SMG6: variants seen among roughly 807,000 people sequenced by gnomAD.
SMG6 encodes the protein SMG6 nonsense mediated mRNA decay factor.
SMG6 carries 66 observed loss-of-function variants against 142.2 expected under a neutral mutation model. That is an observed-to-expected ratio of 0.46 (90% CI 0.38 to 0.57). The LOEUF is 0.57. Among genes scored for constraint, SMG6 ranks in the 20% least tolerant of loss-of-function variants. The pLI is 0.00. For missense variants in SMG6, 1,793 were observed against 1,832.0 expected (o/e 0.98, Z 0.39); for synonymous variants, 779 against 702.4 (o/e 1.11, Z -1.72).
rs575714201 is a variant in SMG6 at position 2,277,382 on chromosome 17, G to C, written c.2661+5265C>G. 2.0e-5 allele frequency among the ~76,000 whole-genome samples: 3 copies of C among 151,768 alleles called. No homozygotes were observed. The South Asian group carries it at 6.2e-4, about 32-fold the overall frequency. On this transcript the variant is annotated intron_variant, in intron 8 of 18. Coordinates refer to ENST00000263073, the MANE Select transcript of SMG6 (RefSeq NM_017575.5). Reference sequence around the variant, plus strand: ...GAGGTTTCACCGTGTTAGCCAGGATGGTCTCGATCTCCTGACCTCGTGATC... The same window carrying C: ...GAGGTTTCACCGTGTTAGCCAGGATCGTCTCGATCTCCTGACCTCGTGATC...
At chr17:2,301,561 G>A (rs1360220980) in intron 1 of SMG6, among the ~76,000 whole-genome samples, 9 of 149,172 alleles carry the variant, frequency 6.0e-5, no homozygotes, top group Non-Finnish European at 1.0e-4. Context: ...AACCACTCTC[G>A]GCCGGGCGCG....
chr17:2,134,131 T>C (rs2070212529), intron 13 of SMG6, among the ~76,000 whole-genome samples: 1 of 152,030 alleles, frequency 6.6e-6, no homozygotes, highest in Non-Finnish European at 1.5e-5. Context: ...GATAAATCAG[T>C]CTAAGTCTTA....
intron 8 of SMG6, among the ~76,000 whole-genome samples, chr17:2,273,311 T>A (rs868840498): frequency 6.6e-6 from 1 of 151,840 alleles, no homozygotes; most frequent in Non-Finnish European, 1.5e-5. Context: ...AGGTCAGGAG[T>A]TCACGACCTG....
intron 13 of SMG6, among the ~76,000 whole-genome samples, chr17:2,136,452 T>C (rs2070306440): frequency 6.6e-6 from 1 of 152,210 alleles, no homozygotes; most frequent in Non-Finnish European, 1.5e-5. Flanking sequence ...ATCTCATCTA[T>C]CTCATTGATT....
chr17:2,105,080 C>T (rs1432267430), intron 13 of SMG6, among the ~76,000 whole-genome samples: 4 of 134,720 alleles, frequency 3.0e-5, no homozygotes, highest in African/African-American at 1.2e-4. Context: ...CCACACCCAG[C>T]TAATTTTTTT....
intron 10 of SMG6, among the ~76,000 whole-genome samples, chr17:2,190,528 T>C (rs190884065): frequency 6.6e-6 from 1 of 152,336 alleles, no homozygotes; most frequent in East Asian, 1.9e-4. Flanking sequence ...CAAGCTAGAC[T>C]GTCTCTCAGA....
intron 10 of SMG6, among the ~76,000 whole-genome samples, chr17:2,226,698 C>A (rs998336621): frequency 6.6e-6 from 1 of 152,078 alleles, no homozygotes; most frequent in African/African-American, 2.4e-5. Flanking sequence ...AGTTTGAGAC[C>A]AGCCTTGCCA....
At chr17:2,094,926 CA>C (rs1476714273) in intron 13 of SMG6, 3 of 152,190 alleles carry the variant, frequency 2.0e-5, no homozygotes, top group African/African-American at 7.2e-5. Flanking sequence ...CCGGCTGTAC[CA>C]GAAAGGTACA....
intron 13 of SMG6, among the ~76,000 whole-genome samples, chr17:2,144,672 G>A (rs1401164140): frequency 3.9e-5 from 6 of 152,054 alleles, no homozygotes; most frequent in African/African-American, 7.2e-5. Flanking sequence ...TTGCTTCTGC[G>A]GGTTACCCTG....
intron 13 of SMG6, among the ~76,000 whole-genome samples, chr17:2,117,022 C>T (rs1296253311): frequency 6.6e-6 from 1 of 151,128 alleles, no homozygotes; most frequent in African/African-American, 2.4e-5. Context: ...ATGAGAACAA[C>T]AACAAAAAAA....
intron 13 of SMG6, among the ~76,000 whole-genome samples, chr17:2,145,263 G>A (rs2070628000): frequency 6.6e-6 from 1 of 151,286 alleles, no homozygotes; most frequent in African/African-American, 2.4e-5. Context: ...ACAGGCGTGT[G>A]CCACCACACC....
At chr17:2,157,355 A>C (rs1438049180) in intron 13 of SMG6, among the ~76,000 whole-genome samples, 2 of 152,230 alleles carry the variant, frequency 1.3e-5, no homozygotes, top group Non-Finnish European at 2.9e-5. Context: ...TTTTCCATTA[A>C]AAGTTCCCTG....
chr17:2,061,465 C>CT lies in SMG6; in HGVS notation c.*26_*27insA, dbSNP rs1555528763. 18 of 1,358,776 alleles carry CT rather than the reference C, an allele frequency of 1.3e-5. No homozygotes were observed. Among genetic ancestry groups the CT allele is most frequent in the Admixed American group, 2.2e-5 (1 of 45,156 alleles). 84.2% of individuals were successfully genotyped at this position (1,358,776 alleles called of 1,614,324 possible). ...TGGTGGCCTTTCAGGAACGGTTCCA[C>CT]GGGGGGGGGGCCCCAGTGTGGCTCC... is the stretch of plus-strand genomic sequence containing the variant. On this transcript the variant is annotated 3_prime_UTR_variant, in exon 19 of 19. Transcript: ENST00000263073.
chr17:2,154,480 C>T (rs1450622489), intron 13 of SMG6, among the ~76,000 whole-genome samples: 2 of 152,168 alleles, frequency 1.3e-5, no homozygotes, highest in Non-Finnish European at 2.9e-5. Context: ...TGTCCTTCAA[C>T]TTTTTCCTTG....
chr17:2,135,260 T>C (rs2070256888), intron 13 of SMG6, among the ~76,000 whole-genome samples: 2 of 152,264 alleles, frequency 1.3e-5, no homozygotes. Flanking sequence ...AATGTATACA[T>C]GTGGAACAAT....
intron 10 of SMG6, among the ~76,000 whole-genome samples, chr17:2,190,772 G>T (rs1420182154): frequency 1.3e-5 from 2 of 152,204 alleles, no homozygotes; most frequent in Non-Finnish European, 1.5e-5. Flanking sequence ...CTTGGTGACG[G>T]TTATGTCACC....
chr17:2,267,030 C>T (rs2074436608), intron 8 of SMG6, among the ~76,000 whole-genome samples: 1 of 152,222 alleles, frequency 6.6e-6, no homozygotes, highest in Admixed American at 6.5e-5. Context: ...TAATGAACTG[C>T]TGTCATCACG....
intron 13 of SMG6, among the ~76,000 whole-genome samples, chr17:2,131,722 A>G (rs2070128126): frequency 2.0e-5 from 3 of 152,348 alleles, no homozygotes; most frequent in Admixed American, 2.0e-4. Flanking sequence ...GGTGATCCAC[A>G]ATGCACATAG....
At chr17:2,291,511 C>A (rs1409443499) in intron 6 of SMG6, among the ~76,000 whole-genome samples, 1 of 152,060 alleles carries the variant, frequency 6.6e-6, no homozygotes. Flanking sequence ...ATAAACCCAT[C>A]ACGGAGAATG....
Sources: gnomAD v4.1 joint callset for allele counts (sites outside exome capture counted in the v4.1 genomes callset) on GRCh38, gnomAD v4.1.1 for gene constraint, MANE v1.5 for transcripts, NCBI Gene and HGNC (gene_info 2026-07-23, HGNC 2026-07-21) for gene names.